Variants in ATXN10 observed in about 807,000 individuals in gnomAD.
ATXN10 encodes the protein ataxin-10.
A neutral mutation model predicts 52.9 loss-of-function variants in ATXN10; 28 were observed. The observed-to-expected ratio is 0.53, with a 90% CI of 0.39 to 0.73. ATXN10 has a LOEUF of 0.73. Ranked by LOEUF, ATXN10 falls within the 30% of genes least tolerant of loss-of-function variation. The pLI, the probability that ATXN10 is intolerant of heterozygous loss-of-function variation, is 0.00. For missense variants in ATXN10, 565 were observed against 577.0 expected, an observed-to-expected ratio of 0.98 and a Z score of 0.21; for synonymous variants, 226 against 221.5, an observed-to-expected ratio of 1.02 and a Z score of -0.18.
chr22:45,799,458 A>G (rs552767351), intron 9 of ATXN10, among the ~76,000 whole-genome samples: 6 of 152,304 alleles, frequency 3.9e-5, no homozygotes, highest in African/African-American at 1.4e-4. Context: ...CTAATCCAGT[A>G]TGAGTGGTGT....
intron 6 of ATXN10, among the ~76,000 whole-genome samples, chr22:45,719,439 A>G (rs1357395139): frequency 6.6e-6 from 1 of 152,204 alleles, no homozygotes; most frequent in African/African-American, 2.4e-5. Context: ...TACCAGGTTT[A>G]TAAGTCCAAT....
intron 10 of ATXN10, among the ~76,000 whole-genome samples, chr22:45,831,504 A>T (rs984533667): frequency 2.0e-5 from 3 of 152,214 alleles, no homozygotes; most frequent in African/African-American, 7.2e-5. Context: ...TCAGGGTCAA[A>T]AAAAAGCAAA....
In ATXN10 at chr22:45,744,023, G is replaced by C. The variant is rs1257886197; in HGVS notation, c.1173+3485G>C. Among the ~76,000 whole-genome samples the C allele has an allele frequency of 6.6e-6, 1 of 152,114 alleles. No homozygotes were observed. Among genetic ancestry groups the C allele is most frequent in the African/African-American group, 2.4e-5 (1 of 41,430 alleles). On this transcript the variant is annotated intron_variant, in intron 9 of 11. Transcript: ENST00000252934. The surrounding 1 kb of genome is among the most constrained non-coding windows in gnomAD (Gnocchi z 4.9). ...TCTCCTAGGCCAGCCAGGCCCCTTA[G>C]ACTCCCTCCTGGTTGAAGTTGGGAG...
Position 45,727,011 on chromosome 22 carries a change from G to A in ATXN10, c.729-2414G>A, listed in dbSNP as rs1924898103. On this transcript the variant is annotated intron_variant, in intron 6 of 11. Coordinates refer to ENST00000252934, the MANE Select transcript of ATXN10 (RefSeq NM_013236.4). This position sits in a 1 kb window ranked among gnomAD's most constrained non-coding sequence, Gnocchi z 4.6. ...GGTTCTGTTTCTCTAGTTCTTTGAGGTATGATGTTAGATTGTCAACTTGTG... is the reference window on the plus strand; with the variant it reads ...GGTTCTGTTTCTCTAGTTCTTTGAGATATGATGTTAGATTGTCAACTTGTG... Among the ~76,000 whole-genome samples, 1 of 151,586 alleles carries A rather than the reference G, an allele frequency of 6.6e-6. No homozygotes were observed. Among genetic ancestry groups the A allele is most frequent in the South Asian group, 2.1e-4 (1 of 4,826 alleles).
intron 9 of ATXN10, among the ~76,000 whole-genome samples, chr22:45,796,225 G>C (rs549205320): frequency 6.6e-6 from 1 of 152,182 alleles, no homozygotes; most frequent in Non-Finnish European, 1.5e-5. Flanking sequence ...CTCCTGCAGC[G>C]CCCTCAGGCT....
At chr22:45,755,241 C>T (rs9626436) in intron 9 of ATXN10, among the ~76,000 whole-genome samples, 16,471 of 152,238 alleles carry the variant, frequency 0.11, 963 homozygotes, top group Middle Eastern at 0.17. Flanking sequence ...TCTATCCTTC[C>T]GATATTTTCA....
intron 9 of ATXN10, among the ~76,000 whole-genome samples, chr22:45,751,862 T>C (rs1224064633): frequency 5.5e-5 from 7 of 126,694 alleles, no homozygotes; most frequent in Non-Finnish European, 1.0e-4. Context: ...TTTTTTTTTT[T>C]CCTGGCAGCA....
At chr22:45,804,187 C>G (rs1928023228) in intron 9 of ATXN10, among the ~76,000 whole-genome samples, 2 of 152,176 alleles carry the variant, frequency 1.3e-5, no homozygotes, top group African/African-American at 4.8e-5. Flanking sequence ...ACAGTGGTCT[C>G]CAGACCTCAC....
chr22:45,752,041 G>A (rs1455627144), intron 9 of ATXN10, among the ~76,000 whole-genome samples: 2 of 151,848 alleles, frequency 1.3e-5, no homozygotes, highest in Non-Finnish European at 2.9e-5. Context: ...GAACAAAAAT[G>A]ATACTTAGTT....
chr22:45,711,562 T>C (rs533301768), intron 5 of ATXN10, among the ~76,000 whole-genome samples: 1 of 152,326 alleles, frequency 6.6e-6, no homozygotes, highest in African/African-American at 2.4e-5. Flanking sequence ...ATCGTGTCAC[T>C]GTCAGCATCT....
intron 10 of ATXN10, among the ~76,000 whole-genome samples, chr22:45,836,385 C>T (rs147579393): frequency 4.6e-5 from 7 of 152,366 alleles, no homozygotes; most frequent in Middle Eastern, 3.4e-3. Flanking sequence ...TGTCCTGTCC[C>T]AGGACCTCCA....
In ATXN10 at chr22:45,762,601, G is replaced by C. The variant is rs1289601203; in HGVS notation, c.1173+22063G>C. Among the ~76,000 whole-genome samples, 1 of 152,192 alleles carries C rather than the reference G, an allele frequency of 6.6e-6. No individual in the cohort carries two copies. Among genetic ancestry groups the C allele is most frequent in the South Asian group, 2.1e-4 (1 of 4,828 alleles). ...CTGGCTGAAGGGAAGCTGGGCAAGA[G>C]TGTATGTGTTTAGGCCACAGGGAGA... On this transcript the variant is annotated intron_variant, in intron 9 of 11. Transcript: ENST00000252934. The surrounding 1 kb of genome is among the most constrained non-coding windows in gnomAD (Gnocchi z 4.3).
At chr22:45,836,501 C>T (rs1019523464) in intron 10 of ATXN10, among the ~76,000 whole-genome samples, 1 of 152,078 alleles carries the variant, frequency 6.6e-6, no homozygotes, top group Admixed American at 6.5e-5. Context: ...AGCACAAGTC[C>T]CATGAAACTC....
intron 9 of ATXN10, among the ~76,000 whole-genome samples, chr22:45,800,830 A>G (rs1927907619): frequency 6.6e-6 from 1 of 152,228 alleles, no homozygotes; most frequent in Non-Finnish European, 1.5e-5. Flanking sequence ...CATTTGTGTT[A>G]TAGAACGGAC....
chr22:45,792,675 T>G (rs1342387721), intron 9 of ATXN10: 2 of 276,874 alleles, frequency 7.2e-6, no homozygotes, highest in Non-Finnish European at 1.5e-5. Context: ...AAAGTCTTGG[T>G]AGGGTTTCAG....
chr22:45,764,935 T>C (rs1926530244), intron 9 of ATXN10, among the ~76,000 whole-genome samples: 1 of 152,206 alleles, frequency 6.6e-6, no homozygotes, highest in East Asian at 1.9e-4. Context: ...ACATCTTCAG[T>C]ATATGCTCTT....
chr22:45,732,581 T>A lies in ATXN10; in HGVS notation c.894+2991T>A, dbSNP rs567794594. On this transcript the variant is annotated intron_variant, in intron 7 of 11. Coordinates refer to ENST00000252934, the MANE Select transcript of ATXN10 (RefSeq NM_013236.4). The surrounding 1 kb of genome is among the most constrained non-coding windows in gnomAD (Gnocchi z 4.5). ...TAATGCACATATGTCATACTTTTTT[T>A]TTTTTTTTAAAAGAGGACCACTTTG... Among the ~76,000 whole-genome samples the A allele has an allele frequency of 3.9e-5, 6 of 152,284 alleles. No individual in the cohort carries two copies. Among genetic ancestry groups the A allele is most frequent in the African/African-American group, 1.4e-4 (6 of 41,554 alleles).
At chr22:45,703,631 A>G (rs1032181545) in intron 5 of ATXN10, among the ~76,000 whole-genome samples, 5 of 152,194 alleles carry the variant, frequency 3.3e-5, no homozygotes, top group African/African-American at 1.2e-4. Flanking sequence ...TTTTAGGTTT[A>G]GACAGTTTGT....
intron 5 of ATXN10, among the ~76,000 whole-genome samples, chr22:45,711,373 G>A (rs1249838026): frequency 6.6e-6 from 1 of 152,174 alleles, no homozygotes; most frequent in Non-Finnish European, 1.5e-5. Flanking sequence ...GATTGAGGAA[G>A]GATGCTGGAG....
Sources: allele counts gnomAD v4.1 joint callset (sites outside exome capture counted in the v4.1 genomes callset), GRCh38; gene constraint gnomAD v4.1.1; non-coding constraint Gnocchi (gnomAD v3.1); transcripts MANE v1.5; gene names NCBI Gene and HGNC (gene_info 2026-07-23, HGNC 2026-07-21).